The following DCC variants were observed in gnomAD, a reference collection of about 807,000 sequenced individuals.
The protein encoded by DCC is netrin receptor DCC.
DCC carries 58 observed loss-of-function variants against 172.5 expected under a neutral mutation model. That is an observed-to-expected ratio of 0.34 (90% CI 0.27 to 0.42). DCC has a LOEUF of 0.42. Among genes scored for constraint, DCC ranks in the 10% least tolerant of loss-of-function variants. The pLI is 1.00. For synonymous variants in DCC, 709 were observed against 644.5 expected, an observed-to-expected ratio of 1.10 and a Z score of -1.52; for missense variants, 1,740 against 1,791.0, an observed-to-expected ratio of 0.97 and a Z score of 0.51.
At chr18:52,648,088 A>G (rs1413122700) in intron 1 of DCC, among the ~76,000 whole-genome samples, 2 of 152,236 alleles carry the variant, frequency 1.3e-5, no homozygotes, top group Non-Finnish European at 2.9e-5. Flanking sequence ...CTTAAGTGAA[A>G]TATGTGAGAA....
chr18:53,128,870 C>CACACACACATATATAT (rs1300738812), intron 7 of DCC, among the ~76,000 whole-genome samples: 3 of 77,478 alleles, frequency 3.9e-5, no homozygotes, highest in African/African-American at 6.3e-5. Context: ...CACACACACA[C>CACACACACATATATAT]ATATATATAT....
chr18:52,981,345 A>C (rs2041205474), intron 5 of DCC, among the ~76,000 whole-genome samples: 1 of 152,094 alleles, frequency 6.6e-6, no homozygotes, highest in African/African-American at 2.4e-5. Flanking sequence ...TTTTTCATAC[A>C]TGTGTTAAAT....
At chr18:52,638,901 A>G (rs1410097884) in intron 1 of DCC, among the ~76,000 whole-genome samples, 5 of 152,178 alleles carry the variant, frequency 3.3e-5, no homozygotes, top group Admixed American at 2.6e-4. Context: ...CACAGAATAC[A>G]CGTTCTATTT....
intron 1 of DCC, among the ~76,000 whole-genome samples, chr18:52,708,030 G>C (rs529844406): frequency 6.6e-6 from 1 of 152,316 alleles, no homozygotes; most frequent in East Asian, 1.9e-4. Context: ...AAATCAGTAT[G>C]TGAAGTAGTG....
intron 1 of DCC, among the ~76,000 whole-genome samples, chr18:52,452,922 G>A (rs1426716981): frequency 6.6e-6 from 1 of 152,156 alleles, no homozygotes; most frequent in African/African-American, 2.4e-5. Flanking sequence ...AGACATCTCA[G>A]GTAATTTTAA....
intron 28 of DCC, among the ~76,000 whole-genome samples, chr18:53,528,233 A>C (rs1360864224): frequency 6.6e-6 from 1 of 152,182 alleles, no homozygotes; most frequent in Non-Finnish European, 1.5e-5. Flanking sequence ...TCAATACTAC[A>C]AACAATAAAA....
intron 2 of DCC, among the ~76,000 whole-genome samples, chr18:52,779,322 A>G (rs551716354): frequency 1.6e-4 from 25 of 152,170 alleles, no homozygotes; most frequent in South Asian, 1.2e-3. Context: ...ATACCCCAAC[A>G]GGCCCCAGTG....
At chr18:52,619,776 C>T (rs186598651) in intron 1 of DCC, among the ~76,000 whole-genome samples, 12 of 152,240 alleles carry the variant, frequency 7.9e-5, no homozygotes, top group Admixed American at 4.6e-4. Context: ...AAAGAATCCA[C>T]GTCAAGAAAG....
At chr18:53,343,255 G>A (rs2057683257) in intron 15 of DCC, among the ~76,000 whole-genome samples, 1 of 151,768 alleles carries the variant, frequency 6.6e-6, no homozygotes, top group African/African-American at 2.4e-5. Context: ...CTGATCTTAG[G>A]AGAAAAAAAT....
chr18:53,396,680 A>G (rs899959778), intron 17 of DCC, among the ~76,000 whole-genome samples: 13 of 152,206 alleles, frequency 8.5e-5, no homozygotes, highest in Non-Finnish European at 7.4e-5. Flanking sequence ...GGAAGCACTA[A>G]AAGTTTAAAC....
At chr18:52,366,926 C>T (rs1419950019) in intron 1 of DCC, among the ~76,000 whole-genome samples, 4 of 152,216 alleles carry the variant, frequency 2.6e-5, no homozygotes, top group Non-Finnish European at 4.4e-5. Flanking sequence ...CTTGGGTGGT[C>T]GATGGGACTG....
At chr18:52,365,043 T>A (rs988070792) in intron 1 of DCC, among the ~76,000 whole-genome samples, 1 of 151,360 alleles carries the variant, frequency 6.6e-6, no homozygotes. Flanking sequence ...CAAAAAAAAA[T>A]AGAAGGATGT....
intron 1 of DCC, among the ~76,000 whole-genome samples, chr18:52,474,847 G>T (rs1989049239): frequency 6.6e-6 from 1 of 152,184 alleles, no homozygotes; most frequent in Non-Finnish European, 1.5e-5. Flanking sequence ...ATGGAGGACA[G>T]TGAAATGGGG....
intron 12 of DCC, among the ~76,000 whole-genome samples, chr18:53,234,719 T>G (rs1012632556): frequency 6.6e-6 from 1 of 152,218 alleles, no homozygotes; most frequent in Non-Finnish European, 1.5e-5. Context: ...GTTTTTTACC[T>G]AAACCAGTGC....
chr18:53,182,049 A>G (rs1428743660), intron 9 of DCC, among the ~76,000 whole-genome samples: 4 of 152,246 alleles, frequency 2.6e-5, no homozygotes, highest in African/African-American at 9.6e-5. Context: ...AAATTTGTGC[A>G]GAGCACCTCA....
At chr18:53,089,092 G>T (rs1008881610) in intron 7 of DCC, among the ~76,000 whole-genome samples, 1 of 152,018 alleles carries the variant, frequency 6.6e-6, no homozygotes, top group African/African-American at 2.4e-5. Context: ...TGTTGTTGTT[G>T]TTGCTTGTTT....
At chr18:53,416,267 G>A in intron 21 of DCC, 111 bp downstream of exon 21, 1 of 794,712 alleles carries the variant, frequency 1.3e-6, no homozygotes, top group Non-Finnish European at 2.2e-6. Flanking sequence ...ACCTGATGAA[G>A]CAGACACTGG....
At chr18:52,860,120 GAA>G (rs2039116688) in intron 2 of DCC, among the ~76,000 whole-genome samples, 2 of 152,176 alleles carry the variant, frequency 1.3e-5, no homozygotes, top group East Asian at 3.9e-4. Context: ...TGGAAACTAA[GAA>G]AAACAAAGGT....
At chr18:52,573,176 T>A (rs1143764) in intron 1 of DCC, among the ~76,000 whole-genome samples, 148,348 of 152,170 alleles carry the variant, frequency 0.97, 72,445 homozygotes, top group Middle Eastern at 1. Flanking sequence ...GTAATAAATC[T>A]TGTATGGTTA....
Sources: gnomAD v4.1 joint callset for allele counts (sites outside exome capture counted in the v4.1 genomes callset) on GRCh38, gnomAD v4.1.1 for gene constraint, MANE v1.5 for transcripts, NCBI Gene and HGNC (gene_info 2026-07-23, HGNC 2026-07-21) for gene names.